The following NIM1K variants were observed in gnomAD, a reference collection of about 807,000 sequenced individuals.
NIM1K encodes the protein NIM1 serine/threonine protein kinase.
In NIM1K, 35 loss-of-function variants were observed where a neutral mutation model predicts 37.1. The observed-to-expected ratio is 0.94, with a 90% CI of 0.72 to 1.25. The LOEUF (loss-of-function observed/expected upper bound fraction) is 1.25. NIM1K is among the 50% of genes most tolerant of loss of function. NIM1K has a pLI of 0.00. For missense variants in NIM1K, 564 were observed against 548.0 expected (o/e 1.03, Z -0.29); for synonymous variants, 234 against 206.6 (o/e 1.13, Z -1.14).
intron 1 of NIM1K, among the ~76,000 whole-genome samples, chr5:43,228,009 T>C (rs1229125525): frequency 6.6e-6 from 1 of 152,246 alleles, no homozygotes; most frequent in African/African-American, 2.4e-5. Flanking sequence ...AACCATGTTC[T>C]GACCCTGAGT....
intron 2 of NIM1K, among the ~76,000 whole-genome samples, chr5:43,272,665 C>T (rs901719037): frequency 9.9e-5 from 15 of 152,264 alleles, no homozygotes; most frequent in Admixed American, 3.3e-4. Context: ...ATATCTGCTC[C>T]CTTCCCTTTG....
intron 1 of NIM1K, among the ~76,000 whole-genome samples, chr5:43,235,795 G>A (rs1752612315): frequency 6.6e-6 from 1 of 151,778 alleles, no homozygotes; most frequent in East Asian, 1.9e-4. Context: ...ATAATGTGCA[G>A]CAGTTCCAGA....
intron 2 of NIM1K, among the ~76,000 whole-genome samples, chr5:43,271,239 C>T (rs1753251933): frequency 6.6e-6 from 1 of 152,080 alleles, no homozygotes; most frequent in South Asian, 2.1e-4. Flanking sequence ...GCCAACTCTC[C>T]AGCCTCTTTT....
In NIM1K at chr5:43,275,187, A is replaced by T. The variant is rs1318637731; in HGVS notation, c.293-1870A>T. ...TTGGTAAATATGCTACCAGATTTTTATCTATGCAAATGTGTATCTGTATTT... is the reference window on the plus strand; with the variant it reads ...TTGGTAAATATGCTACCAGATTTTTTTCTATGCAAATGTGTATCTGTATTT... On this transcript the variant is annotated intron_variant, in intron 2 of 3. Coordinates refer to ENST00000326035, the MANE Select transcript of NIM1K (RefSeq NM_153361.4). 3.9e-5 allele frequency among the ~76,000 whole-genome samples: 6 copies of T among 152,236 alleles called. No homozygotes were observed. In the South Asian group the frequency reaches 8.3e-4, roughly 21 times the overall value.
At chr5:43,198,567 C>T (rs896959428) in intron 1 of NIM1K, among the ~76,000 whole-genome samples, 1 of 151,970 alleles carries the variant, frequency 6.6e-6, no homozygotes, top group Non-Finnish European at 1.5e-5. Context: ...AAAAGCCAAA[C>T]CTTTCCAGCC....
chr5:43,271,386 A>G (rs992638766), intron 2 of NIM1K, among the ~76,000 whole-genome samples: 1 of 152,206 alleles, frequency 6.6e-6, no homozygotes, highest in Non-Finnish European at 1.5e-5. Context: ...GAAAAAAAAT[A>G]CTAGAACTTC....
rs750842420 is a variant in NIM1K, at chr5:43,208,558, C to T, written c.-695+16147C>T. On this transcript the variant is annotated intron_variant, in intron 1 of 3. Coordinates refer to ENST00000326035, the MANE Select transcript of NIM1K (RefSeq NM_153361.4). The stretch of plus-strand genomic sequence containing the variant: ...TGGAGGTTGCAGTGAGCCGAGATCA[C>T]GCCACTGCATTCCAGCCTGGGCGAC... Among the ~76,000 whole-genome samples the T allele has an allele frequency of 2.0e-5, 3 of 151,444 alleles. No individual in the cohort carries two copies. In the South Asian group the frequency reaches 6.3e-4, roughly 32 times the overall value.
intron 1 of NIM1K, among the ~76,000 whole-genome samples, chr5:43,237,771 C>G (rs189202767): frequency 3.5e-4 from 54 of 152,234 alleles, no homozygotes; most frequent in African/African-American, 1.3e-3. Context: ...TTTACCTTTT[C>G]TTTTAGATTT....
At chr5:43,263,735 C>T (rs1045473117) in intron 2 of NIM1K, among the ~76,000 whole-genome samples, 4 of 152,098 alleles carry the variant, frequency 2.6e-5, no homozygotes, top group South Asian at 2.1e-4. Context: ...TTAGATCTTT[C>T]CTGCTTTCTC....
intron 1 of NIM1K, among the ~76,000 whole-genome samples, chr5:43,203,236 T>C (rs1353002806): frequency 6.6e-6 from 1 of 152,218 alleles, no homozygotes; most frequent in Non-Finnish European, 1.5e-5. Flanking sequence ...ATTAACATTT[T>C]AGGATATCTA....
At chr5:43,232,959 G>A in intron 1 of NIM1K, 1 of 1,126,690 alleles carries the variant, frequency 8.9e-7, no homozygotes, top group Non-Finnish European at 1.4e-6. Flanking sequence ...CAATTACCAT[G>A]GGTTTCAGGT....
At chr5:43,270,041 G>C (rs1753232026) in intron 2 of NIM1K, among the ~76,000 whole-genome samples, 1 of 152,306 alleles carries the variant, frequency 6.6e-6, no homozygotes, top group Non-Finnish European at 1.5e-5. Context: ...TGTATGGCTG[G>C]TCTGGTAGTT....
chr5:43,268,018 G>A (rs1021195628), intron 2 of NIM1K, among the ~76,000 whole-genome samples: 1 of 152,118 alleles, frequency 6.6e-6, no homozygotes, highest in African/African-American at 2.4e-5. Context: ...TTTCTGCCTC[G>A]ATGATCTGTC....
intron 1 of NIM1K, among the ~76,000 whole-genome samples, chr5:43,219,254 A>G (rs1752349582): frequency 6.6e-6 from 1 of 152,136 alleles, no homozygotes; most frequent in African/African-American, 2.4e-5. Context: ...ACATAATGAA[A>G]CATATGAACA....
chr5:43,208,631 A>G (rs192492601), intron 1 of NIM1K, among the ~76,000 whole-genome samples: 46 of 152,266 alleles, frequency 3.0e-4, no homozygotes, highest in African/African-American at 9.4e-4. Context: ...GAAAAAAGAA[A>G]AGAGCAAATG....
chr5:43,263,100 G>A (rs958580409), intron 2 of NIM1K, among the ~76,000 whole-genome samples: 3 of 152,100 alleles, frequency 2.0e-5, no homozygotes, highest in Non-Finnish European at 2.9e-5. Context: ...TCCAGGTTTT[G>A]GTATTAGGAT....
At position 43,207,486 on chromosome 5, in the gene NIM1K, G is replaced by A. The variant is rs1295194643; in HGVS notation, c.-695+15075G>A. 18 of 741,910 alleles carry A rather than the reference G, an allele frequency of 2.4e-5. No individual in the cohort carries two copies. The East Asian group carries it at 3.8e-4, about 16-fold the overall frequency. The allele number at this position is 741,910 out of a possible 1,614,324, so 46.0% of individuals were successfully genotyped here. On this transcript the variant is annotated intron_variant, in intron 1 of 3. Transcript: ENST00000326035. The stretch of plus-strand genomic sequence containing the variant: ...GTACTGAAGAGGTACACCAAAGAAG[G>A]GAGATAATTTTATTATGTGATTAAT...
At chr5:43,248,052 G>A (rs894494464) in intron 2 of NIM1K, among the ~76,000 whole-genome samples, 1 of 152,118 alleles carries the variant, frequency 6.6e-6, no homozygotes, top group African/African-American at 2.4e-5. Context: ...CTTAAAGGAA[G>A]GAAAGAGACT....
chr5:43,255,005 G>A (rs1442464245), intron 2 of NIM1K, among the ~76,000 whole-genome samples: 2 of 152,120 alleles, frequency 1.3e-5, no homozygotes, highest in East Asian at 3.8e-4. Flanking sequence ...TCATATATTG[G>A]AAATACTACA....
Sources: gnomAD v4.1 joint callset for allele counts (sites outside exome capture counted in the v4.1 genomes callset) on GRCh38, gnomAD v4.1.1 for gene constraint, MANE v1.5 for transcripts, NCBI Gene and HGNC (gene_info 2026-07-23, HGNC 2026-07-21) for gene names.